MYCBP2: variants seen among roughly 807,000 people sequenced by gnomAD.
The protein encoded by MYCBP2 is MYC binding protein 2, also known as E3 ubiquitin-protein ligase MYCBP2.
In MYCBP2, 120 loss-of-function variants were observed where a neutral mutation model predicts 525.3. That is an observed-to-expected ratio of 0.23 (90% confidence interval 0.20 to 0.27). MYCBP2 has a LOEUF of 0.27. MYCBP2 is among the 10% of genes least tolerant of loss of function. The pLI is 1.00. For missense variants in MYCBP2, 4,149 were observed against 5,657.1 expected (o/e 0.73, Z 8.55); for synonymous variants, 1,894 against 1,955.8 (o/e 0.97, Z 0.83).
intron 52 of MYCBP2, 31 bp from the exon 53 acceptor site, chr13:77,126,573 CAA>C: frequency 6.5e-7 from 1 of 1,539,502 alleles, no homozygotes; most frequent in East Asian, 2.3e-5. Flanking sequence ...GAAAAATAAA[CAA>C]AATACAATCT....
At position 77,095,350 on chromosome 13, in the gene MYCBP2, T is replaced by G. The variant is rs935382794; in HGVS notation, c.10199+8A>C. On this transcript the variant is annotated splice_region_variant and intron_variant, in intron 58 of 82. Coordinates refer to ENST00000544440, the MANE Select transcript of MYCBP2 (RefSeq NM_015057.5). Reference sequence around the variant, plus strand: ...GGTGATTAAAAAACAACAGCAAAATTTTATTACCTAGCTAATGTCTGCAGG... The same window carrying G: ...GGTGATTAAAAAACAACAGCAAAATGTTATTACCTAGCTAATGTCTGCAGG... 5 of 1,612,618 alleles carry G rather than the reference T, an allele frequency of 3.1e-6. No homozygotes were observed. Among genetic ancestry groups the G allele is most frequent in the Admixed American group, 1.7e-5 (1 of 59,838 alleles).
intron 26 of MYCBP2, among the ~76,000 whole-genome samples, chr13:77,200,895 C>T (rs1306189121): frequency 2.6e-5 from 4 of 152,008 alleles, no homozygotes; most frequent in African/African-American, 9.7e-5. Context: ...GAAGGAAGTG[C>T]TAAACATGGA....
chr13:77,122,321 C>T (rs548062153), intron 54 of MYCBP2, among the ~76,000 whole-genome samples: 1 of 151,932 alleles, frequency 6.6e-6, no homozygotes, highest in Admixed American at 6.6e-5. Flanking sequence ...TTAAAATAAC[C>T]TTATGAAAAA....
Position 77,093,282 on chromosome 13 carries a change from T to C in MYCBP2, c.10250A>G (p.Asp3417Gly), listed in dbSNP as rs757557918. The C allele has an allele frequency of 1.2e-6, 2 of 1,613,470 alleles. No homozygotes were observed. Among genetic ancestry groups the C allele is most frequent in the Non-Finnish European group, 1.7e-6 (2 of 1,179,588 alleles). The change falls in exon 59 of 83, where the codon GAT (aspartate) becomes GGT (glycine). Residue 3417 changes from aspartate (D) to glycine (G), a missense_variant. By Grantham distance (94) the Asp-to-Gly change is moderately conservative. Transcript: ENST00000544440. ...VGYQDDNLFQ[D>G]EMRYLRSTSV... ...TGTTGAACGTAGATATCTCATTTCA[T>C]CCTGGAATAGATTGTCATCTTGATA...
At position 77,097,585 on chromosome 13, in the gene MYCBP2, C is replaced by T; in HGVS notation, c.9569G>A (p.Cys3190Tyr). 1 of 1,613,464 alleles carries T rather than the reference C, an allele frequency of 6.2e-7. No homozygotes were observed. The highest frequency in any genetic ancestry group is 1.3e-5 in the African/African-American group (1 of 74,964). ...ACACTCTTTCTTTTTAAGAACTGCA[C>T]AGGAACCAGGACTTGGAAAAATCAT... The part of the protein sequence containing the change: ...QNMIFPSPGS[C>Y]AVLKKKECEK... Residue 3190 changes from cysteine (C) to tyrosine (Y), a missense_variant, in exon 56 of 83, where the codon TGT becomes TAT. By Grantham distance (194) the Cys-to-Tyr change is radical (BLOSUM62 -2). Around this residue, in one of 21 missense-constraint regions of MYCBP2, gnomAD observed 653 missense variants for 744.7 expected, o/e 0.88. Transcript: ENST00000544440.
At position 77,131,505 on chromosome 13, in the gene MYCBP2, CACACACAAACAA is replaced by C. The variant is rs1738535867; in HGVS notation, c.7660-4975_7660-4964del. Among the ~76,000 whole-genome samples, 5 of 85,760 alleles carry C rather than the reference CACACACAAACAA, an allele frequency of 5.8e-5. No homozygotes were observed. The South Asian group carries it at 3.0e-3, about 51-fold the overall frequency. The allele number at this position is 85,760 out of a possible 152,430, so 56.3% of individuals were successfully genotyped here. On this transcript the variant is annotated intron_variant, in intron 52 of 82. Coordinates refer to ENST00000544440, the MANE Select transcript of MYCBP2 (RefSeq NM_015057.5). ...CATCTCAAACACACACACACACACA[CACACACAAACAA>C]ACACACACACACACACACACACACT...
chr13:77,154,441 T>C (rs1594957119), intron 46 of MYCBP2, among the ~76,000 whole-genome samples: 1 of 150,076 alleles, frequency 6.7e-6, no homozygotes, highest in South Asian at 2.1e-4. Flanking sequence ...ATCCATCATA[T>C]GGTTAAAAAA....
intron 13 of MYCBP2, 91 bp downstream of exon 13, chr13:77,260,337 C>A (rs1414768785): frequency 1.2e-6 from 1 of 843,942 alleles, no homozygotes; most frequent in Non-Finnish European, 1.7e-6. Context: ...AGAAAGCATG[C>A]CACCAACATA....
At chr13:77,176,937 T>C (rs916450993) in intron 35 of MYCBP2, among the ~76,000 whole-genome samples, 1 of 152,112 alleles carries the variant, frequency 6.6e-6, no homozygotes, top group African/African-American at 2.4e-5. Flanking sequence ...GGAATCAAGT[T>C]AGAGATAGAG....
At chr13:77,076,946 G>A (rs2042417165) in intron 67 of MYCBP2, 97 bp from the exon 68 acceptor site, 1 of 1,108,808 alleles carries the variant, frequency 9.0e-7, no homozygotes. Context: ...TTTATAATAT[G>A]CTACTCTTGC....
intron 52 of MYCBP2, among the ~76,000 whole-genome samples, chr13:77,137,769 T>C (rs1304594301): frequency 1.3e-5 from 2 of 152,110 alleles, no homozygotes; most frequent in Non-Finnish European, 2.9e-5. Context: ...TTTGCATTTT[T>C]AGTAGAGACG....
chr13:77,121,277 G>T, intron 55 of MYCBP2, 96 bp downstream of exon 55: 1 of 1,126,762 alleles, frequency 8.9e-7, no homozygotes, highest in South Asian at 3.3e-5. Flanking sequence ...ATTTAATAAA[G>T]ATTTCTGGGT....
chr13:77,083,190 C>A lies in MYCBP2; in HGVS notation c.10878G>T (p.Glu3626Asp). The A allele has an allele frequency of 6.2e-7, 1 of 1,610,784 alleles. No individual in the cohort carries two copies. The highest frequency in any genetic ancestry group is 8.5e-7 in the Non-Finnish European group (1 of 1,178,480). Residue 3626 changes from glutamate to aspartate, a missense_variant and splice_region_variant, in exon 63 of 83, where the codon GAG becomes GAT. This residue lies in a region of MYCBP2 where 509 missense variants were observed against 789.4 expected (regional missense o/e 0.64). Transcript: ENST00000544440. ...NKTSKENSEQ[E>D]KDTRVCEHPL... is the part of the protein sequence containing the mutation. ...GATGTTCACATACTCTTGTATCTTT[C>A]TCCTAAGGCAGAAATTGAAACAAGT...
intron 1 of MYCBP2, among the ~76,000 whole-genome samples, chr13:77,322,047 C>A (rs1040168674): frequency 3.3e-5 from 5 of 152,144 alleles, no homozygotes; most frequent in African/African-American, 1.2e-4. Context: ...GTAGTCCCAG[C>A]TACTGGAGGA....
intron 52 of MYCBP2, among the ~76,000 whole-genome samples, chr13:77,130,056 A>T (rs558666079): frequency 2.3e-4 from 35 of 151,956 alleles, no homozygotes; most frequent in Admixed American, 1.9e-3. Context: ...TTTACTGATA[A>T]TTTAAATGAT....
At position 77,243,886 on chromosome 13, in the gene MYCBP2, C is replaced by G. The variant is rs1174961853; in HGVS notation, c.2447G>C (p.Arg816Thr). ...TCTTGCCTCTTGACCATCTAACTCT[C>G]TTGCACAGGCCTTGCAACATCCACA... is the stretch of plus-strand genomic sequence containing the variant. ...AVCGCCKACA[R>T]ELDGQEARQR... The change falls in exon 16 of 83, where the codon AGA (arginine) becomes ACA (threonine). Residue 816 changes from arginine to threonine, a missense_variant. Physicochemically the swap from Arg to Thr is moderately conservative, Grantham distance 71 (BLOSUM62 -1). Coordinates refer to ENST00000544440, the MANE Select transcript of MYCBP2 (RefSeq NM_015057.5). 6.2e-7 allele frequency: 1 copy of G among 1,612,066 alleles called. No homozygotes were observed. Among genetic ancestry groups the G allele is most frequent in the Admixed American group, 1.7e-5 (1 of 59,688 alleles).
At position 77,206,719 on chromosome 13, in the gene MYCBP2, C is replaced by T; in HGVS notation, c.3523G>A (p.Glu1175Lys). 6.2e-7 allele frequency: 1 copy of T among 1,612,354 alleles called. No individual in the cohort carries two copies. The highest frequency in any genetic ancestry group is 1.1e-5 in the South Asian group (1 of 90,818). ...CTTGATCCTGTTGGTAAGGCAAGTT[C>T]AGGACTTAGGATACTACATCTGGAC... ...MQSRCSILSP[E>K]LALPTGSRAL... The change falls in exon 24 of 83, where the codon GAA (glutamate) becomes AAA (lysine). Residue 1175 changes from glutamate to lysine, a missense_variant. Glu to Lys is a moderately conservative substitution (Grantham distance 56). Transcript: ENST00000544440.
chr13:77,225,633 G>A (rs146123250), intron 18 of MYCBP2, 79 bp from the exon 19 acceptor site: 29,078 of 1,528,914 alleles, frequency 0.019, 456 homozygotes, highest in South Asian at 0.051. Flanking sequence ...GTTTATTATG[G>A]AAGAACAAGA....
chr13:77,230,822 T>C (rs2067023074), intron 18 of MYCBP2, among the ~76,000 whole-genome samples: 1 of 152,224 alleles, frequency 6.6e-6, no homozygotes, highest in African/African-American at 2.4e-5. Flanking sequence ...GAATAAGCTG[T>C]GTGCTGGGAC....
Sources: allele counts gnomAD v4.1 joint callset (sites outside exome capture counted in the v4.1 genomes callset), GRCh38; gene constraint gnomAD v4.1.1; regional missense constraint gnomAD v4.1.1; transcripts MANE v1.5; gene names NCBI Gene and HGNC (gene_info 2026-07-23, HGNC 2026-07-21).